UGT1A10: variants seen among roughly 807,000 people sequenced by gnomAD.
The protein encoded by UGT1A10 is UDP-glucuronosyltransferase 1A10.
Under a neutral mutation model 45.8 loss-of-function variants are expected in UGT1A10, and 49 were observed. That is an observed-to-expected ratio of 1.07 (90% confidence interval 0.85 to 1.36). The LOEUF is 1.36. Among genes scored for constraint, UGT1A10 ranks in the 40% most tolerant of loss-of-function variants. The pLI is 0.00. For synonymous variants in UGT1A10, 284 were observed against 249.7 expected (o/e 1.14, Z -1.29); for missense variants, 745 against 668.6 (o/e 1.11, Z -1.26).
intron 1 of UGT1A10, among the ~76,000 whole-genome samples, chr2:233,678,037 G>T (rs2074406811): frequency 6.6e-6 from 1 of 152,098 alleles, no homozygotes. Flanking sequence ...TGCAGCTGGA[G>T]GTCATTACCC....
chr2:233,724,346 CCCA>C (rs2077232466), intron 1 of UGT1A10, among the ~76,000 whole-genome samples: 1 of 148,186 alleles, frequency 6.7e-6, no homozygotes, highest in Non-Finnish European at 1.5e-5. Context: ...GCTGACCCCC[CCCA>C]CCTCCCTCCC....
intron 1 of UGT1A10, among the ~76,000 whole-genome samples, chr2:233,715,794 A>C (rs146761733): frequency 1.4e-4 from 21 of 152,268 alleles, no homozygotes; most frequent in African/African-American, 4.8e-4. Flanking sequence ...ATTTATTTGG[A>C]ATGTGAAAAT....
At chr2:233,760,178 T>C in intron 1 of UGT1A10, 1 of 1,545,848 alleles carries the variant, frequency 6.5e-7, no homozygotes, top group Non-Finnish European at 8.7e-7. Flanking sequence ...CTGACAGCTT[T>C]TTATAGTCAC....
chr2:233,661,622 ATTTT>A (rs2073964847), intron 1 of UGT1A10, among the ~76,000 whole-genome samples: 1 of 68,474 alleles, frequency 1.5e-5, no homozygotes, highest in East Asian at 4.2e-4. Context: ...GACTTACTGA[ATTTT>A]CTTTCTTTCT....
At chr2:233,680,187 T>TG in intron 1 of UGT1A10, among the ~76,000 whole-genome samples, 1 of 152,288 alleles carries the variant, frequency 6.6e-6, no homozygotes, top group Non-Finnish European at 1.5e-5. Context: ...TGGGAGTACT[T>TG]GCAGCATCAT....
chr2:233,657,077 C>T (rs2073871442), intron 1 of UGT1A10, among the ~76,000 whole-genome samples: 1 of 152,106 alleles, frequency 6.6e-6, no homozygotes, highest in South Asian at 2.1e-4. Context: ...CTTTGGTCTA[C>T]CCTAAGAATG....
At chr2:233,755,221 C>T (rs1695818847) in intron 1 of UGT1A10, 1 of 995,834 alleles carries the variant, frequency 1.0e-6, no homozygotes. Context: ...TTGATACCCT[C>T]GGACGAGGCC....
At chr2:233,736,495 T>A (rs1388265552) in intron 1 of UGT1A10, among the ~76,000 whole-genome samples, 4 of 152,228 alleles carry the variant, frequency 2.6e-5, no homozygotes, top group Admixed American at 2.6e-4. Context: ...CTACCAAACT[T>A]CTGAAGCCTA....
chr2:233,669,683 C>T (rs902047246), intron 1 of UGT1A10, among the ~76,000 whole-genome samples: 3 of 151,988 alleles, frequency 2.0e-5, no homozygotes, highest in Non-Finnish European at 4.4e-5. Context: ...TTGTGGGTTT[C>T]TTTTTGTTTT....
chr2:233,737,522 C>T (rs1286705932), intron 1 of UGT1A10, among the ~76,000 whole-genome samples: 9 of 152,174 alleles, frequency 5.9e-5, no homozygotes, highest in African/African-American at 9.7e-5. Context: ...CTAGGTGAGG[C>T]GACGCCCTGC....
intron 1 of UGT1A10, chr2:233,672,003 C>A (rs138685396): frequency 6.2e-7 from 1 of 1,613,946 alleles, no homozygotes; most frequent in Non-Finnish European, 8.5e-7. Flanking sequence ...GTGGCTTTGC[C>A]GAGGCAGGGA....
chr2:233,656,064 G>A (rs1338047701), intron 1 of UGT1A10, among the ~76,000 whole-genome samples: 1 of 152,180 alleles, frequency 6.6e-6, no homozygotes, highest in African/African-American at 2.4e-5. Flanking sequence ...GAGAAGGGAT[G>A]GGGTAGGAGC....
chr2:233,699,261 T>C (rs1175214024), intron 1 of UGT1A10, among the ~76,000 whole-genome samples: 4 of 152,162 alleles, frequency 2.6e-5, no homozygotes, highest in Non-Finnish European at 2.9e-5. Context: ...CCTCTTCCTA[T>C]AGGGGCTTGA....
intron 1 of UGT1A10, among the ~76,000 whole-genome samples, chr2:233,720,694 G>A (rs1379635884): frequency 6.6e-6 from 1 of 151,632 alleles, no homozygotes; most frequent in Non-Finnish European, 1.5e-5. Flanking sequence ...AATCCATTAA[G>A]GGAGCCATCC....
At chr2:233,645,562 C>T (rs1190788318) in intron 1 of UGT1A10, among the ~76,000 whole-genome samples, 1 of 152,210 alleles carries the variant, frequency 6.6e-6, no homozygotes, top group Non-Finnish European at 1.5e-5. Context: ...ATACACCATT[C>T]CAACTGGGAA....
intron 1 of UGT1A10, among the ~76,000 whole-genome samples, chr2:233,701,615 G>A (rs1575471744): frequency 6.6e-6 from 1 of 152,268 alleles, no homozygotes; most frequent in East Asian, 1.9e-4. Flanking sequence ...CTCAGCAAAC[G>A]TAAAAGAACA....
chr2:233,772,707 C>G lies in UGT1A10; in HGVS notation c.*148C>G, dbSNP rs1471091659. 6.8e-7 allele frequency: 1 copy of G among 1,472,874 alleles called. No homozygotes were observed. Among genetic ancestry groups the G allele is most frequent in the African/African-American group, 1.4e-5 (1 of 70,352 alleles). The allele number at this position is 1,472,874 out of a possible 1,614,324, so 91.2% of individuals were successfully genotyped here. The stretch of plus-strand genomic sequence containing the variant: ...GCCCCAGAGTGCTTTAAAAAATTCT[C>G]TTAAATAAAAATAATAGACTCGCTA... On this transcript the variant is annotated 3_prime_UTR_variant, in exon 5 of 5. Coordinates refer to ENST00000344644, the MANE Select transcript of UGT1A10 (RefSeq NM_019075.4).
intron 1 of UGT1A10, among the ~76,000 whole-genome samples, chr2:233,733,899 C>T (rs563890237): frequency 6.6e-6 from 1 of 151,930 alleles, no homozygotes; most frequent in Non-Finnish European, 1.5e-5. Flanking sequence ...CCTGTTTGTA[C>T]CTCTCTGGTA....
chr2:233,725,714 T>G lies in UGT1A10; in HGVS notation c.856-41320T>G, dbSNP rs572434706. Among the ~76,000 whole-genome samples, 94 of 152,356 alleles carry G rather than the reference T, an allele frequency of 6.2e-4. 1 individual carries two copies. In the South Asian group the frequency reaches 0.019, roughly 32 times the overall value. ...AGTCATATGTAGTTAGTGACTACCA[T>G]ATGGTCAATGTTTACAAATGTAAAC... On this transcript the variant is annotated intron_variant, in intron 1 of 4. Transcript: ENST00000344644.
Sources: allele counts gnomAD v4.1 joint callset (sites outside exome capture counted in the v4.1 genomes callset), GRCh38; gene constraint gnomAD v4.1.1; transcripts MANE v1.5; gene names NCBI Gene and HGNC (gene_info 2026-07-23, HGNC 2026-07-21).